CSMD2: variants seen among roughly 807,000 people sequenced by gnomAD.
The protein encoded by CSMD2 is CUB and Sushi multiple domains 2.
CSMD2 carries 130 observed loss-of-function variants against 398.5 expected under a neutral mutation model. The observed-to-expected ratio is 0.33, with a 90% CI of 0.28 to 0.38. The LOEUF (loss-of-function observed/expected upper bound fraction) is 0.38. Among genes scored for constraint, CSMD2 ranks in the 10% least tolerant of loss-of-function variants. CSMD2 has a pLI of 1.00. For missense variants in CSMD2, 3,829 were observed against 4,764.9 expected (o/e 0.80, Z 5.78); for synonymous variants, 1,828 against 1,908.5 (o/e 0.96, Z 1.10).
chr1:33,884,090 C>T (rs972958913), intron 5 of CSMD2, among the ~76,000 whole-genome samples: 10 of 152,022 alleles, frequency 6.6e-5, no homozygotes, highest in South Asian at 2.1e-4. Flanking sequence ...TGGATGTCAG[C>T]GCAATCAACT....
chr1:33,611,331 G>A, intron 40 of CSMD2, 81 bp from the exon 41 acceptor site: 1 of 1,241,662 alleles, frequency 8.1e-7, no homozygotes, highest in Admixed American at 1.9e-5. Context: ...AGCAGCTCCT[G>A]CCAGAGCCAT....
chr1:34,058,561 G>A (rs1654114631), intron 2 of CSMD2, among the ~76,000 whole-genome samples: 1 of 152,220 alleles, frequency 6.6e-6, no homozygotes, highest in Non-Finnish European at 1.5e-5. Context: ...AGTAGCAGAG[G>A]AAGTCTATAT....
intron 25 of CSMD2, 49 bp downstream of exon 25, chr1:33,692,881 G>T (rs895255126): frequency 9.4e-6 from 15 of 1,598,864 alleles, no homozygotes; most frequent in Middle Eastern, 1.7e-4. Flanking sequence ...GCTGATGATG[G>T]CTCCCCTGAA....
At chr1:34,122,327 T>C (rs1163327007) in intron 1 of CSMD2, among the ~76,000 whole-genome samples, 1 of 152,020 alleles carries the variant, frequency 6.6e-6, no homozygotes, top group Non-Finnish European at 1.5e-5. Context: ...TTGGGGCACC[T>C]TTTTCATCTT....
At position 34,130,389 on chromosome 1, in the gene CSMD2, CAAA is replaced by C. The variant is rs60733725; in HGVS notation, c.187+34519_187+34521del. Among the ~76,000 whole-genome samples the C allele has an allele frequency of 3.2e-3, 188 of 58,492 alleles. 1 individual carries two copies. Among genetic ancestry groups the C allele is most frequent in the Middle Eastern group, 0.03 (2 of 66 alleles). The allele number at this position is 58,492 out of a possible 152,430, so 38.4% of individuals were successfully genotyped here. On this transcript the variant is annotated intron_variant, in intron 1 of 70. Transcript: ENST00000373381. ...AACAGCAGGAAGAAATGTCTGGAGG[CAAA>C]AAAAAAAAAAAAAAAAAAGTTTGTT...
chr1:33,592,597 C>G (rs981693567), intron 44 of CSMD2: 17 of 684,316 alleles, frequency 2.5e-5, no homozygotes, highest in Non-Finnish European at 4.4e-5. Context: ...AATTCTCAAA[C>G]TACCTATCAC....
intron 5 of CSMD2, among the ~76,000 whole-genome samples, chr1:33,890,518 C>T (rs1276899774): frequency 6.6e-6 from 1 of 152,196 alleles, no homozygotes; most frequent in Non-Finnish European, 1.5e-5. Context: ...GCATGAGACA[C>T]CGTGCCCTGC....
Position 33,700,547 on chromosome 1 carries a change from T to G in CSMD2, c.3703A>C (p.Thr1235Pro). 6.2e-7 allele frequency: 1 copy of G among 1,614,212 alleles called. No homozygotes were observed. Among genetic ancestry groups the G allele is most frequent in the Non-Finnish European group, 8.5e-7 (1 of 1,180,044 alleles). Residue 1235 changes from threonine to proline, a missense_variant, in exon 23 of 71, where the codon ACC becomes CCC. Physicochemically the swap from Thr to Pro is conservative, Grantham distance 38 (BLOSUM62 -1). Coordinates refer to ENST00000373381, the MANE Select transcript of CSMD2 (RefSeq NM_001281956.2). ...WLDFITDAENTSKGFELHFSS... is the reference protein window; with the variant it reads ...WLDFITDAENPSKGFELHFSS... ...AAGTGCAGTTCAAAGCCCTTGCTGG[T>G]GTTTTCAGCATCAGTGATGAAATCA...
intron 25 of CSMD2, among the ~76,000 whole-genome samples, chr1:33,670,612 G>T (rs1644465041): frequency 6.6e-6 from 1 of 152,162 alleles, no homozygotes; most frequent in South Asian, 2.1e-4. Flanking sequence ...CTGGGCCAGA[G>T]CTCACTGCTG....
intron 3 of CSMD2, among the ~76,000 whole-genome samples, chr1:33,955,971 G>A (rs764279364): frequency 6.6e-6 from 1 of 152,052 alleles, no homozygotes; most frequent in Non-Finnish European, 1.5e-5. Flanking sequence ...GTACCATGAG[G>A]GAGCTCACAT....
intron 1 of CSMD2, among the ~76,000 whole-genome samples, chr1:34,108,444 C>T (rs548782420): frequency 6.6e-6 from 1 of 152,302 alleles, no homozygotes; most frequent in Non-Finnish European, 1.5e-5. Flanking sequence ...ACCACATTCA[C>T]AGAGATGCTC....
intron 3 of CSMD2, among the ~76,000 whole-genome samples, chr1:33,971,703 C>T (rs1645775976): frequency 6.6e-6 from 1 of 152,208 alleles, no homozygotes; most frequent in Non-Finnish European, 1.5e-5. Context: ...GTTCAAGTGC[C>T]TTCGGCAGGT....
intron 5 of CSMD2, chr1:33,873,532 T>G (rs1186406002): frequency 6.6e-6 from 1 of 152,262 alleles, no homozygotes; most frequent in Non-Finnish European, 1.5e-5. Context: ...CTCTCTGGCT[T>G]GCTCTGATGA....
intron 10 of CSMD2, 42 bp downstream of exon 10, chr1:33,810,701 G>A: frequency 6.2e-7 from 1 of 1,603,602 alleles, no homozygotes; most frequent in Non-Finnish European, 8.5e-7. Flanking sequence ...CCCCAACCTA[G>A]CCCTGCCCAC....
Position 33,602,402 on chromosome 1 carries a change from T to C in CSMD2, c.6677A>G (p.Gln2226Arg), listed in dbSNP as rs767988849. 7.4e-6 allele frequency: 12 copies of C among 1,613,796 alleles called. No individual in the cohort carries two copies. The African/African-American group carries it at 1.3e-4, about 18-fold the overall frequency. The change falls in exon 43 of 71, where the codon CAG (glutamine) becomes CGG (arginine). Residue 2226 changes from glutamine to arginine, a missense_variant. Physicochemically the swap from Gln to Arg is conservative, Grantham distance 43. Transcript: ENST00000373381. ...HGVRLNLSLL[Q>R]TEPSGDFITI... Reference sequence around the variant, plus strand: ...GATGAAATCTCCAGAGGGCTCTGTCTGCAGCAGGCTGAGGTTGAGGCGGAC... The same window carrying C: ...GATGAAATCTCCAGAGGGCTCTGTCCGCAGCAGGCTGAGGTTGAGGCGGAC...
At chr1:33,875,989 G>A (rs996987586) in intron 5 of CSMD2, among the ~76,000 whole-genome samples, 31 of 152,350 alleles carry the variant, frequency 2.0e-4, no homozygotes, top group Admixed American at 2.0e-3. Context: ...AGGTCTAGGT[G>A]TAGGTGCCAG....
chr1:33,963,253 C>G (rs772259389), intron 3 of CSMD2, among the ~76,000 whole-genome samples: 2 of 152,186 alleles, frequency 1.3e-5, no homozygotes, highest in Non-Finnish European at 2.9e-5. Flanking sequence ...CTCTTCTGCA[C>G]CTTGACAGCC....
intron 3 of CSMD2, among the ~76,000 whole-genome samples, chr1:34,019,021 C>G (rs1648519213): frequency 6.6e-6 from 1 of 152,182 alleles, no homozygotes; most frequent in Non-Finnish European, 1.5e-5. Flanking sequence ...CAAACCCACA[C>G]TTTACCTCTT....
In CSMD2 at chr1:34,135,387, G is replaced by A. The variant is rs150254066; in HGVS notation, c.187+29524C>T. Among the ~76,000 whole-genome samples, 951 of 152,018 alleles carry A rather than the reference G, an allele frequency of 6.3e-3. 10 individuals carry two copies. The highest frequency in any genetic ancestry group is 0.05 in the East Asian group (258 of 5,156). ...TGTAATCCCAGCACTTTGGGAGGCC[G>A]AGGCGGGTGGATCATGAGGTCAACA... On this transcript the variant is annotated intron_variant, in intron 1 of 70. Coordinates refer to ENST00000373381, the MANE Select transcript of CSMD2 (RefSeq NM_001281956.2).
Sources: allele counts gnomAD v4.1 joint callset (sites outside exome capture counted in the v4.1 genomes callset), GRCh38; gene constraint gnomAD v4.1.1; transcripts MANE v1.5; gene names NCBI Gene and HGNC (gene_info 2026-07-23, HGNC 2026-07-21).